TTC7A: variants seen among roughly 807,000 people sequenced by gnomAD.
TTC7A encodes tetratricopeptide repeat domain 7A.
A neutral mutation model predicts 103.7 loss-of-function variants in TTC7A; 110 were observed. The observed-to-expected ratio is 1.06, with a 90% CI of 0.91 to 1.24. The LOEUF (loss-of-function observed/expected upper bound fraction) is 1.24, where lower values mean the gene tolerates loss of function less well. Ranked by LOEUF, TTC7A falls within the 50% of genes most tolerant of loss-of-function variation. TTC7A has a pLI of 0.00. For synonymous variants in TTC7A, 521 were observed against 467.9 expected (o/e 1.11, Z -1.47); for missense variants, 1,340 against 1,116.3 (o/e 1.20, Z -2.86).
chr2:47,046,578 C>G, intron 16 of TTC7A, 147 bp downstream of exon 16: 1 of 658,080 alleles, frequency 1.5e-6, no homozygotes, highest in South Asian at 1.8e-5. Flanking sequence ...ACAGAGCTTT[C>G]ACATCCATAG....
At chr2:46,977,391 AT>A (rs978021971) in intron 4 of TTC7A, among the ~76,000 whole-genome samples, 1 of 152,094 alleles carries the variant, frequency 6.6e-6, no homozygotes, top group Non-Finnish European at 1.5e-5. Flanking sequence ...TGCCTCATTG[AT>A]TTTTTTTCCC....
intron 2 of TTC7A, among the ~76,000 whole-genome samples, chr2:46,927,418 G>A (rs534174708): frequency 4.7e-5 from 7 of 148,486 alleles, no homozygotes; most frequent in East Asian, 4.0e-4. Context: ...GTGCAGTGGC[G>A]TGATCTCGGC....
chr2:46,996,623 G>A (rs763851223), intron 8 of TTC7A, among the ~76,000 whole-genome samples: 6 of 152,184 alleles, frequency 3.9e-5, no homozygotes, highest in Non-Finnish European at 7.3e-5. Flanking sequence ...TGTGTAGGGT[G>A]TGGATATTTG....
chr2:47,072,277 A>G (rs1257780869), intron 19 of TTC7A, among the ~76,000 whole-genome samples: 1 of 152,084 alleles, frequency 6.6e-6, no homozygotes, highest in Non-Finnish European at 1.5e-5. Flanking sequence ...TGCACGCCTC[A>G]TCCGTGTGTG....
Position 46,995,172 on chromosome 2 carries a change from C to T in TTC7A, c.1038C>T (p.Leu346=), listed in dbSNP as rs1676052601. 5 of 1,614,068 alleles carry T rather than the reference C, an allele frequency of 3.1e-6. No homozygotes were observed. Among genetic ancestry groups the T allele is most frequent in the Admixed American group, 3.3e-5 (2 of 60,008 alleles). Residue 346 remains leucine, a synonymous_variant, in exon 8 of 20, where the codon CTC becomes CTT. Coordinates refer to ENST00000319190, the MANE Select transcript of TTC7A (RefSeq NM_020458.4). ...CCAAGGACAACATCGAGGAAGCCCT[C>T]CTGCTCCTCCTCATCAGCGAATCCA... is the stretch of plus-strand genomic sequence containing the variant. ...YCPKDNIEEA[L]LLLLISESMA... is the part of the protein sequence containing the mutation.
intron 16 of TTC7A, 30 bp downstream of exon 16, chr2:47,046,461 C>G: frequency 6.3e-7 from 1 of 1,587,448 alleles, no homozygotes; most frequent in Non-Finnish European, 8.6e-7. Context: ...TCTTGGGTTG[C>G]CAGAGGGTGG....
intron 8 of TTC7A, among the ~76,000 whole-genome samples, chr2:47,001,918 C>T (rs1380770318): frequency 6.6e-6 from 1 of 151,476 alleles, no homozygotes; most frequent in Non-Finnish European, 1.5e-5. Context: ...GGCTGTTTGA[C>T]CAAGAGTAGT....
rs1305260111 is a variant in TTC7A, at chr2:47,052,916, TTGA to T, written c.2152+1041_2152+1043del. Among the ~76,000 whole-genome samples the T allele has an allele frequency of 1.2e-4, 19 of 152,280 alleles. 1 individual carries two copies. Among genetic ancestry groups the T allele is most frequent in the Admixed American group, 1.0e-3 (16 of 15,302 alleles). On this transcript the variant is annotated intron_variant, in intron 18 of 19. Transcript: ENST00000319190. The stretch of plus-strand genomic sequence containing the variant: ...GGGGAGTTGGAGAAGAAACCGAAAG[TTGA>T]TGATCTCTTACTGGGACATGGGGAT...
intron 12 of TTC7A, 92 bp downstream of exon 12, chr2:47,022,071 C>T: frequency 1.1e-6 from 1 of 869,598 alleles, no homozygotes; most frequent in Non-Finnish European, 1.8e-6. Context: ...CACCCCTCCC[C>T]TCAGGCCATG....
chr2:46,985,703 A>G (rs1674945427), intron 5 of TTC7A, among the ~76,000 whole-genome samples: 1 of 152,234 alleles, frequency 6.6e-6, no homozygotes, highest in East Asian at 1.9e-4. Flanking sequence ...CCATGGCACC[A>G]CGCCCAGCAC....
chr2:47,024,003 T>C (rs1679597344), intron 13 of TTC7A, among the ~76,000 whole-genome samples: 1 of 150,788 alleles, frequency 6.6e-6, no homozygotes, highest in Non-Finnish European at 1.5e-5. Flanking sequence ...TCCCATCGTC[T>C]TTCTTCTTTG....
rs750848348 is a variant in TTC7A, at chr2:47,023,477, C to T, written c.1568+12C>T. On this transcript the variant is annotated intron_variant, in intron 13 of 19. Transcript: ENST00000319190. The stretch of plus-strand genomic sequence containing the variant: ...CAGACGCTGGAGAGGTGAGGAGGCT[C>T]CCACCTGCAGCAGAGGCCCCTCTTG... 1 of 1,613,954 alleles carries T rather than the reference C, an allele frequency of 6.2e-7. No individual in the cohort carries two copies. The highest frequency in any genetic ancestry group is 1.1e-5 in the South Asian group (1 of 91,074).
chr2:47,046,502 C>A, intron 16 of TTC7A, 71 bp downstream of exon 16: 1 of 1,197,814 alleles, frequency 8.3e-7, no homozygotes, highest in Non-Finnish European at 1.2e-6. Flanking sequence ...AGCTGGGTGG[C>A]CACCATGCCT....
In TTC7A at chr2:46,979,861, G is replaced by A. The variant is rs1029164975; in HGVS notation, c.764+954G>A. On this transcript the variant is annotated intron_variant, in intron 5 of 19. Coordinates refer to ENST00000319190, the MANE Select transcript of TTC7A (RefSeq NM_020458.4). ...ACCTTAGACAGACACAGTGGGCTGG[G>A]GCTGGAGGACATCACTGACGAGAGG... Among the ~76,000 whole-genome samples, 42 of 152,178 alleles carry A rather than the reference G, an allele frequency of 2.8e-4. 1 individual carries two copies. Among genetic ancestry groups the A allele is most frequent in the Non-Finnish European group, 2.1e-4 (14 of 68,022 alleles).
At chr2:47,028,143 G>A (rs1033086808) in intron 14 of TTC7A, among the ~76,000 whole-genome samples, 1 of 152,118 alleles carries the variant, frequency 6.6e-6, no homozygotes, top group African/African-American at 2.4e-5. Flanking sequence ...GCTGAGAATG[G>A]TCTCTTCAGG....
chr2:47,006,547 G>C, intron 9 of TTC7A, 94 bp from the exon 10 acceptor site: 4 of 1,127,540 alleles, frequency 3.5e-6, no homozygotes, highest in Non-Finnish European at 5.4e-6. Context: ...CCTCCCAAAA[G>C]CGGTGACTTG....
At chr2:47,050,102 G>C (rs945583076) in intron 17 of TTC7A, 56 bp downstream of exon 17, 4 of 1,430,268 alleles carry the variant, frequency 2.8e-6, no homozygotes, top group Non-Finnish European at 3.9e-6. Flanking sequence ...CACACTCCCA[G>C]CTTGAGAGCA....
At chr2:46,956,024 G>C (rs547028141) in intron 2 of TTC7A, among the ~76,000 whole-genome samples, 2 of 152,330 alleles carry the variant, frequency 1.3e-5, no homozygotes, top group East Asian at 3.9e-4. Context: ...GAACTCACGT[G>C]CCAGGGTGGC....
chr2:47,009,262 C>T (rs1677759860), intron 10 of TTC7A, among the ~76,000 whole-genome samples: 1 of 152,144 alleles, frequency 6.6e-6, no homozygotes, highest in Non-Finnish European at 1.5e-5. Context: ...AGGAGCTGGT[C>T]ACCTGCTAAC....
Sources: gnomAD v4.1 joint callset for allele counts (sites outside exome capture counted in the v4.1 genomes callset) on GRCh38, gnomAD v4.1.1 for gene constraint, MANE v1.5 for transcripts, NCBI Gene and HGNC (gene_info 2026-07-23, HGNC 2026-07-21) for gene names.